The following TPRG1 variants were observed in gnomAD, a reference collection of about 807,000 sequenced individuals.
The protein encoded by TPRG1 is tumor protein p63-regulated gene 1 protein.
TPRG1 carries 29 observed loss-of-function variants against 29.3 expected under a neutral mutation model. The ratio of observed to expected loss-of-function variants is 0.99; its 90% CI spans 0.74 to 1.35. TPRG1 has a LOEUF of 1.35. Ranked by LOEUF, TPRG1 falls within the 40% of genes most tolerant of loss-of-function variation. The probability of loss-of-function intolerance (pLI) is 0.00; values close to 1 mark genes in which losing one functional copy is unlikely to be tolerated. For synonymous variants in TPRG1, 130 were observed against 116.8 expected, an observed-to-expected ratio of 1.11 and a Z score of -0.73; for missense variants, 327 against 335.0, an observed-to-expected ratio of 0.98 and a Z score of 0.19.
At chr3:189,072,759 A>G (rs903241507) in intron 4 of TPRG1, among the ~76,000 whole-genome samples, 7 of 152,110 alleles carry the variant, frequency 4.6e-5, no homozygotes, top group Admixed American at 3.9e-4. Context: ...ATATCTCTCT[A>G]TCAATCAATT....
intron 4 of TPRG1, among the ~76,000 whole-genome samples, chr3:189,059,729 A>G (rs1028466830): frequency 2.6e-5 from 4 of 152,232 alleles, no homozygotes; most frequent in Non-Finnish European, 5.9e-5. Context: ...TTAAAATCAC[A>G]TAAATAGTAG....
intron 2 of TPRG1, among the ~76,000 whole-genome samples, chr3:189,130,800 C>A (rs938970187): frequency 6.6e-6 from 1 of 152,206 alleles, no homozygotes; most frequent in Non-Finnish European, 1.5e-5. Flanking sequence ...TATATTCCAG[C>A]TATAACAGGC....
chr3:189,144,465 G>T (rs1159406962), intron 3 of TPRG1, among the ~76,000 whole-genome samples: 1 of 152,202 alleles, frequency 6.6e-6, no homozygotes, highest in Non-Finnish European at 1.5e-5. Context: ...GAGGCAGGTG[G>T]TTCTGCTGTC....
intron 4 of TPRG1, among the ~76,000 whole-genome samples, chr3:189,289,852 A>T (rs750059458): frequency 3.9e-5 from 6 of 152,140 alleles, no homozygotes; most frequent in Non-Finnish European, 8.8e-5. Context: ...TATAAATGGG[A>T]TTACAGAAAA....
intron 4 of TPRG1, among the ~76,000 whole-genome samples, chr3:189,053,050 C>T (rs1715430128): frequency 6.6e-6 from 1 of 152,086 alleles, no homozygotes; most frequent in South Asian, 2.1e-4. Context: ...ACTCATGTAA[C>T]CAAATACCAC....
intron 4 of TPRG1, among the ~76,000 whole-genome samples, chr3:189,253,954 T>C (rs1222755900): frequency 6.6e-6 from 1 of 152,232 alleles, no homozygotes; most frequent in African/African-American, 2.4e-5. Flanking sequence ...GGTTGTTCTT[T>C]TCTTGTAAAT....
At chr3:189,100,564 C>T (rs2152189476) in intron 1 of TPRG1, among the ~76,000 whole-genome samples, 1 of 152,280 alleles carries the variant, frequency 6.6e-6, no homozygotes, top group African/African-American at 2.4e-5. Context: ...AGTGTGTCTT[C>T]CATTGCAAAA....
rs577147608 is a variant in TPRG1 at position 189,258,688 on chromosome 3, G to A, written c.479+19779G>A. On this transcript the variant is annotated intron_variant, in intron 4 of 5. Transcript: ENST00000345063. ...TGATTGGGGCTGCTGCCTTTCTTTCGGAGATGCCCTGCCCAGAGAGGAGGA... is the reference window on the plus strand; with the variant it reads ...TGATTGGGGCTGCTGCCTTTCTTTCAGAGATGCCCTGCCCAGAGAGGAGGA... Among the ~76,000 whole-genome samples, 445 of 152,216 alleles carry A rather than the reference G, an allele frequency of 2.9e-3. 2 individuals carry two copies. Among genetic ancestry groups the A allele is most frequent in the African/African-American group, 9.9e-3 (412 of 41,534 alleles).
At chr3:189,067,309 GA>G (rs1422843473) in intron 4 of TPRG1, among the ~76,000 whole-genome samples, 2 of 152,012 alleles carry the variant, frequency 1.3e-5, no homozygotes, top group African/African-American at 4.8e-5. Context: ...TTCAGAAATA[GA>G]AAAAATAATC....
chr3:189,201,068 TG>T (rs1733404713), intron 1 of TPRG1, among the ~76,000 whole-genome samples: 1 of 152,206 alleles, frequency 6.6e-6, no homozygotes, highest in Non-Finnish European at 1.5e-5. Flanking sequence ...GGCACCATCT[TG>T]AAAGCAGAGA....
At chr3:189,073,782 T>C (rs1298259268) in intron 4 of TPRG1, among the ~76,000 whole-genome samples, 1 of 152,200 alleles carries the variant, frequency 6.6e-6, no homozygotes, top group African/African-American at 2.4e-5. Context: ...AAAATGACTT[T>C]TTTTCTTCTT....
At chr3:189,057,527 G>A (rs1715779132) in intron 4 of TPRG1, among the ~76,000 whole-genome samples, 1 of 148,370 alleles carries the variant, frequency 6.7e-6, no homozygotes. Flanking sequence ...CACATTCTGT[G>A]GGCTCTTTTC....
chr3:189,274,075 C>T (rs1366092669), intron 4 of TPRG1, among the ~76,000 whole-genome samples: 1 of 151,600 alleles, frequency 6.6e-6, no homozygotes, highest in Non-Finnish European at 1.5e-5. Context: ...CTTAATACCT[C>T]AAATTCTTTA....
At chr3:189,035,265 T>C (rs1375037623) in intron 4 of TPRG1, among the ~76,000 whole-genome samples, 1 of 152,076 alleles carries the variant, frequency 6.6e-6, no homozygotes, top group Non-Finnish European at 1.5e-5. Context: ...CCCCTACCTT[T>C]CACCATATAC....
At chr3:189,099,122 G>C (rs1352982998), upstream of TPRG1, among the ~76,000 whole-genome samples, 3 of 152,222 alleles carry the variant, frequency 2.0e-5, no homozygotes, top group African/African-American at 7.2e-5. Context: ...GTTGCTGTCT[G>C]TTGGCAGGCA....
At chr3:189,085,453 G>A (rs1300598360) in intron 4 of TPRG1, among the ~76,000 whole-genome samples, 1 of 150,522 alleles carries the variant, frequency 6.6e-6, no homozygotes, top group Non-Finnish European at 1.5e-5. Context: ...GTGCATGTGT[G>A]TGTGTGTGTG....
chr3:189,168,311 A>AG (rs200086586), upstream of TPRG1, among the ~76,000 whole-genome samples: 1,109 of 152,300 alleles, frequency 7.3e-3, 18 homozygotes, highest in African/African-American at 0.025. Context: ...AAATAGAGAG[A>AG]GAAAAAAAGA....
chr3:189,227,358 G>A (rs1737909620), intron 3 of TPRG1, among the ~76,000 whole-genome samples: 1 of 152,164 alleles, frequency 6.6e-6, no homozygotes, highest in Non-Finnish European at 1.5e-5. Context: ...CAGAGTTCCT[G>A]GAGGGGGAAG....
chr3:189,099,476 C>G (rs192996742), upstream of TPRG1, among the ~76,000 whole-genome samples: 6 of 152,200 alleles, frequency 3.9e-5, no homozygotes, highest in East Asian at 1.2e-3. Flanking sequence ...CATTTTTCAT[C>G]TCCTTCAGCC....
Sources: gnomAD v4.1 joint callset for allele counts (sites outside exome capture counted in the v4.1 genomes callset) on GRCh38, gnomAD v4.1.1 for gene constraint, MANE v1.5 for transcripts, NCBI Gene and HGNC (gene_info 2026-07-23, HGNC 2026-07-21) for gene names.